Variants in PALM2AKAP2 observed in about 807,000 individuals in gnomAD.
PALM2AKAP2 encodes the protein PALM2-AKAP2 fusion protein.
PALM2AKAP2 carries 37 observed loss-of-function variants against 71.5 expected under a neutral mutation model. The ratio of observed to expected loss-of-function variants is 0.52; its 90% CI spans 0.40 to 0.68. The LOEUF (loss-of-function observed/expected upper bound fraction) is 0.68. Ranked by LOEUF, PALM2AKAP2 falls within the 30% of genes least tolerant of loss-of-function variation. The pLI is 0.00. For synonymous variants in PALM2AKAP2, 468 were observed against 478.8 expected, an observed-to-expected ratio of 0.98 and a Z score of 0.29; for missense variants, 1,224 against 1,191.8, an observed-to-expected ratio of 1.03 and a Z score of -0.40.
At chr9:109,728,051 C>A (rs761806928) in intron 1 of PALM2AKAP2, among the ~76,000 whole-genome samples, 1 of 152,200 alleles carries the variant, frequency 6.6e-6, no homozygotes, top group Admixed American at 6.5e-5. Context: ...GTCTCCTCCA[C>A]TACAGTTTCT....
intron 1 of PALM2AKAP2, among the ~76,000 whole-genome samples, chr9:110,129,269 TTG>T (rs1564320620): frequency 6.6e-6 from 1 of 152,206 alleles, no homozygotes; most frequent in Admixed American, 6.5e-5. Context: ...TAAAGCTAAA[TTG>T]TGAGTCTCAC....
chr9:110,003,276 C>T (rs1832716140), intron 6 of PALM2AKAP2, among the ~76,000 whole-genome samples: 2 of 152,120 alleles, frequency 1.3e-5, no homozygotes. Context: ...TTTCTGCCTT[C>T]ATTTTGTTAT....
chr9:109,687,809 AC>A (rs895074718), intron 1 of PALM2AKAP2, among the ~76,000 whole-genome samples: 1 of 152,178 alleles, frequency 6.6e-6, no homozygotes. Flanking sequence ...TGCCTTTCTC[AC>A]TAAGCTTAGT....
intron 6 of PALM2AKAP2, among the ~76,000 whole-genome samples, chr9:109,976,147 T>C (rs1056749432): frequency 6.6e-6 from 1 of 152,228 alleles, no homozygotes; most frequent in Non-Finnish European, 1.5e-5. Context: ...TGGCCCTGCC[T>C]CATATCCATT....
At chr9:110,069,264 G>A (rs915578020) in intron 1 of PALM2AKAP2, among the ~76,000 whole-genome samples, 5 of 152,332 alleles carry the variant, frequency 3.3e-5, no homozygotes, top group East Asian at 1.9e-4. Flanking sequence ...CATGGCTGGC[G>A]CATGCTGTTT....
At chr9:109,844,389 C>T (rs911509712) in intron 1 of PALM2AKAP2, among the ~76,000 whole-genome samples, 1 of 152,126 alleles carries the variant, frequency 6.6e-6, no homozygotes, top group Non-Finnish European at 1.5e-5. Context: ...CAATGCAGGA[C>T]TCTGGATGCG....
At chr9:109,699,764 C>T (rs1828025008) in intron 1 of PALM2AKAP2, among the ~76,000 whole-genome samples, 1 of 136,352 alleles carries the variant, frequency 7.3e-6, no homozygotes. Context: ...TGTCAGCAGC[C>T]ATTACCTTTA....
chr9:109,834,199 C>T (rs1398042032), intron 1 of PALM2AKAP2, among the ~76,000 whole-genome samples: 6 of 152,050 alleles, frequency 3.9e-5, no homozygotes, highest in Non-Finnish European at 7.4e-5. Context: ...GGTGACAGAG[C>T]GAGACTCCAT....
At chr9:109,699,272 A>G (rs1442250766) in intron 1 of PALM2AKAP2, among the ~76,000 whole-genome samples, 11 of 152,246 alleles carry the variant, frequency 7.2e-5, no homozygotes, top group Admixed American at 7.2e-4. Flanking sequence ...GATTCAACAC[A>G]GCTGTTAGTA....
chr9:109,982,494 A>C (rs1480459556), intron 6 of PALM2AKAP2, among the ~76,000 whole-genome samples: 1 of 152,226 alleles, frequency 6.6e-6, no homozygotes, highest in Non-Finnish European at 1.5e-5. Context: ...GGACAAATGG[A>C]TAAATGCTTG....
At chr9:110,118,780 C>T (rs2118992167) in intron 1 of PALM2AKAP2, among the ~76,000 whole-genome samples, 1 of 152,272 alleles carries the variant, frequency 6.6e-6, no homozygotes, top group South Asian at 2.1e-4. Context: ...TTCCCCATTC[C>T]AGAGAAAATC....
intron 2 of PALM2AKAP2, among the ~76,000 whole-genome samples, chr9:109,876,615 G>A (rs1012942972): frequency 1.3e-5 from 2 of 152,122 alleles, no homozygotes; most frequent in South Asian, 4.1e-4. Flanking sequence ...GAGTAGCTGG[G>A]ATTACAGGTG....
intron 1 of PALM2AKAP2, among the ~76,000 whole-genome samples, chr9:109,783,291 A>G (rs1480403055): frequency 4.6e-5 from 7 of 151,002 alleles, no homozygotes; most frequent in Non-Finnish European, 8.8e-5. Context: ...GGTCAGAAGC[A>G]ACATCTCTGA....
chr9:110,023,174 A>C (rs1197674431), intron 7 of PALM2AKAP2, among the ~76,000 whole-genome samples: 2 of 151,610 alleles, frequency 1.3e-5, no homozygotes, highest in Non-Finnish European at 2.9e-5. Context: ...ACAATGGTTG[A>C]ACTAGTTTAC....
At position 109,795,836 on chromosome 9, in the gene PALM2AKAP2, A is replaced by AT. The variant is rs1827238230; in HGVS notation, c.45+15307dup. Among the ~76,000 whole-genome samples the AT allele has an allele frequency of 2.0e-5, 3 of 152,258 alleles. No homozygotes were observed. The South Asian group carries it at 6.2e-4, about 32-fold the overall frequency. ...GTAGCCTTGTGTATTTGTTAGGGCAATTTTCCAGCAGGTTTTGAGGAAAGG... is the reference window on the plus strand; with the variant it reads ...GTAGCCTTGTGTATTTGTTAGGGCAATTTTTCCAGCAGGTTTTGAGGAAAGG... On this transcript the variant is annotated intron_variant, in intron 1 of 9. Transcript: ENST00000302798.
chr9:109,766,993 C>T lies in PALM2AKAP2; in HGVS notation c.6-13495C>T, dbSNP rs56838477. On this transcript the variant is annotated intron_variant, in intron 1 of 6. Transcript: ENST00000374531. ...TGGCATTTATGAGAGTGCTTAGTAC[C>T]TGCCAGACACTGTGCCTGGGGATTT... is the stretch of plus-strand genomic sequence containing the variant. Among the ~76,000 whole-genome samples the T allele has an allele frequency of 3.6e-3, 538 of 150,870 alleles. 4 individuals carry two copies. The highest frequency in any genetic ancestry group is 0.013 in the African/African-American group (521 of 40,606).
At chr9:109,824,100 G>C (rs1471740522) in intron 1 of PALM2AKAP2, among the ~76,000 whole-genome samples, 1 of 152,038 alleles carries the variant, frequency 6.6e-6, no homozygotes, top group African/African-American at 2.4e-5. Flanking sequence ...TGTTGCCCAG[G>C]CTGGTCTCAA....
chr9:109,732,854 A>C (rs1455597083), intron 1 of PALM2AKAP2, among the ~76,000 whole-genome samples: 1 of 152,130 alleles, frequency 6.6e-6, no homozygotes, highest in Non-Finnish European at 1.5e-5. Context: ...TGCAAAATTC[A>C]GTGTTGAAGA....
chr9:109,962,728 C>T (rs1253759908), intron 6 of PALM2AKAP2, among the ~76,000 whole-genome samples: 4 of 151,816 alleles, frequency 2.6e-5, no homozygotes, highest in Non-Finnish European at 4.4e-5. Context: ...CTGCAACCTC[C>T]GCCTCCCGGG....
Sources: gnomAD v4.1 joint callset for allele counts (sites outside exome capture counted in the v4.1 genomes callset) on GRCh38, gnomAD v4.1.1 for gene constraint, MANE v1.5 for transcripts, NCBI Gene and HGNC (gene_info 2026-07-23, HGNC 2026-07-21) for gene names.